Variants in U2AF1 observed in about 807,000 individuals in gnomAD.
U2AF1 encodes the protein splicing factor U2AF 35 kDa subunit.
For missense variants in U2AF1, 4 were observed against 75.9 expected (o/e 0.05, Z 3.52); for synonymous variants, 8 against 27.2 (o/e 0.29, Z 2.20).
chr21:43,107,229 C>A lies in U2AF1; in HGVS notation c.44+222G>T, dbSNP rs1025548227. Among the ~76,000 whole-genome samples, 4 of 111,994 alleles carry A rather than the reference C, an allele frequency of 3.6e-5. 1 individual carries two copies. The highest frequency in any genetic ancestry group is 1.5e-4 in the African/African-American group (4 of 26,594). 73.5% of individuals were successfully genotyped at this position (111,994 alleles called of 152,430 possible). On this transcript the variant is annotated intron_variant, in intron 1 of 7. Coordinates refer to ENST00000291552, the MANE Select transcript of U2AF1 (RefSeq NM_006758.3). ...CGGCCGCGGCGCCCCGAAAAGAGAC[C>A]CCATTCATTCTGCCCGCTCCAGTTT...
rs368427617 is a variant in U2AF1, at chr21:43,095,553, G to A, written c.250-17C>T. ...AAAAACCTCCTGAAGGGAGACCACA[G>A]TGGTTTAAGACTCGTTATACATTAC... On this transcript the variant is annotated splice_polypyrimidine_tract_variant and intron_variant, in intron 4 of 7. Coordinates refer to ENST00000291552, the MANE Select transcript of U2AF1 (RefSeq NM_006758.3). 3.6e-4 allele frequency: 356 copies of A among 985,500 alleles called. 89 individuals are homozygous for A. The highest frequency in any genetic ancestry group is 5.2e-4 in the Non-Finnish European group (343 of 665,614). 61.0% of individuals were successfully genotyped at this position (985,500 alleles called of 1,614,324 possible).
At chr21:43,107,054 C>T (rs749013132) in intron 1 of U2AF1, among the ~76,000 whole-genome samples, 4 of 88,278 alleles carry the variant, frequency 4.5e-5, no homozygotes, top group Non-Finnish European at 9.3e-5. Flanking sequence ...CATTCACAGC[C>T]GAAAGTTGGA....
chr21:43,107,110 T>C (rs1370812301), intron 1 of U2AF1, among the ~76,000 whole-genome samples: 1 of 109,214 alleles, frequency 9.2e-6, no homozygotes. Context: ...CAGGCAACTT[T>C]CAGCGCGGCT....
chr21:43,094,887 T>C lies in U2AF1; in HGVS notation c.349-99A>G, dbSNP rs182331226. 1.3e-3 allele frequency: 887 copies of C among 669,448 alleles called. 217 individuals carry two copies. Among genetic ancestry groups the C allele is most frequent in the Admixed American group, 1.7e-3 (46 of 27,092 alleles). 41.5% of individuals were successfully genotyped at this position (669,448 alleles called of 1,614,324 possible). ...TCAGAGAGAGATATACACACTCAGGTATAGTAAGGTGGAATAGTATTACAG... is the reference window on the plus strand; with the variant it reads ...TCAGAGAGAGATATACACACTCAGGCATAGTAAGGTGGAATAGTATTACAG... On this transcript the variant is annotated intron_variant, in intron 5 of 7. Transcript: ENST00000291552.
In U2AF1 at chr21:43,095,404, A is replaced by G. The variant is rs540565452; in HGVS notation, c.348+34T>C. The G allele has an allele frequency of 6.2e-5, 57 of 926,476 alleles. 5 individuals are homozygous for G. In the East Asian group the frequency reaches 1.2e-3, roughly 19 times the overall value. The allele number at this position is 926,476 out of a possible 1,614,324, so 57.4% of individuals were successfully genotyped here. ...TGTTGGCCTTGGCCCTGGCACACTA[A>G]GCGGCCACGCCGCCGTCTCGCCCTG... On this transcript the variant is annotated intron_variant, in intron 5 of 7. Transcript: ENST00000291552.
chr21:43,107,136 G>A (rs903491508), intron 1 of U2AF1, among the ~76,000 whole-genome samples: 2 of 112,308 alleles, frequency 1.8e-5, no homozygotes, highest in Non-Finnish European at 3.8e-5. Context: ...CGGCTTCCGG[G>A]AGTCGGCGAC....
Position 43,094,791 on chromosome 21 carries a change from GA to G in U2AF1, c.349-4del. On this transcript the variant is annotated splice_region_variant and splice_polypyrimidine_tract_variant and intron_variant, in intron 5 of 7. Coordinates refer to ENST00000291552, the MANE Select transcript of U2AF1 (RefSeq NM_006758.3). The stretch of plus-strand genomic sequence containing the variant: ...TCCGCATCTTCCTCACGGCGAAACT[GA>G]AAAGACAAAAACAGAAGTGCTTGCC... 4.6e-6 allele frequency: 3 copies of G among 657,308 alleles called. No homozygotes were observed. The highest frequency in any genetic ancestry group is 4.7e-6 in the Non-Finnish European group (2 of 429,418). The allele number at this position is 657,308 out of a possible 1,614,324, so 40.7% of individuals were successfully genotyped here. A position where few individuals can be genotyped will look rare whatever the true frequency, so the allele number is the denominator to read the frequency against.
intron 3 of U2AF1, among the ~76,000 whole-genome samples, chr21:43,096,676 C>CT (rs898924455): frequency 2.6e-4 from 4 of 15,522 alleles, no homozygotes; most frequent in Admixed American, 7.2e-4. Flanking sequence ...TGAAAGCATT[C>CT]TTTTTTTTTT....
chr21:43,107,180 C>T (rs1430015753), intron 1 of U2AF1, among the ~76,000 whole-genome samples: 1 of 113,606 alleles, frequency 8.8e-6, no homozygotes, highest in Non-Finnish European at 1.9e-5. Flanking sequence ...TCAGCCAGTC[C>T]GGACCCCAAG....
intron 3 of U2AF1, chr21:43,096,059 A>AT (rs560376283): frequency 6.5e-3 from 74 of 11,428 alleles, no homozygotes; most frequent in East Asian, 9.0e-3. Flanking sequence ...CAAACTACAA[A>AT]TTTTTTTTTT....
intron 1 of U2AF1, among the ~76,000 whole-genome samples, chr21:43,107,243 C>T (rs1165850398): frequency 9.1e-6 from 1 of 110,204 alleles, no homozygotes; most frequent in Non-Finnish European, 1.9e-5. Context: ...TTCATTCTGC[C>T]CGCTCCAGTT....
At chr21:43,096,684 TTTC>T (rs887346700) in intron 3 of U2AF1, among the ~76,000 whole-genome samples, 2 of 19,362 alleles carry the variant, frequency 1.0e-4, no homozygotes, top group African/African-American at 2.9e-4. Context: ...TTCTTTTTTT[TTTC>T]TTTTTTTTGA....
rs1408800437 is a variant in U2AF1 at position 43,107,134 on chromosome 21, G to C, written c.44+317C>G. ...TTCAGCGCGGCTCGAGGCGGCTTCC[G>C]GGAGTCGGCGACTCGGAGGCCCGGA... On this transcript the variant is annotated intron_variant, in intron 1 of 7. Transcript: ENST00000291552. 2.7e-5 allele frequency among the ~76,000 whole-genome samples: 3 copies of C among 112,116 alleles called. No individual in the cohort carries two copies. In the South Asian group the frequency reaches 7.5e-4, roughly 28 times the overall value. 73.6% of individuals were successfully genotyped at this position (112,116 alleles called of 152,430 possible).
At chr21:43,096,676 CT>C (rs898924455) in intron 3 of U2AF1, among the ~76,000 whole-genome samples, 2 of 15,524 alleles carry the variant, frequency 1.3e-4, no homozygotes, top group Non-Finnish European at 1.3e-4. Flanking sequence ...TGAAAGCATT[CT>C]TTTTTTTTTC....
rs1197121751 is a variant in U2AF1, at chr21:43,095,230, C to T, written c.348+208G>A. 4.6e-5 allele frequency: 20 copies of T among 432,758 alleles called. 7 individuals are homozygous for T. Among genetic ancestry groups the T allele is most frequent in the Admixed American group, 3.9e-4 (8 of 20,262 alleles). The allele number at this position is 432,758 out of a possible 1,614,324, so 26.8% of individuals were successfully genotyped here. On this transcript the variant is annotated intron_variant, in intron 5 of 7. Coordinates refer to ENST00000291552, the MANE Select transcript of U2AF1 (RefSeq NM_006758.3). ...GTGGGCTGGCCACCGCCACATATGA[C>T]GCAGCTGGTAGGCGCCGAGCCAGTG...
rs2146454624 is a variant in U2AF1 at position 43,094,780 on chromosome 21, A to G, written c.357T>C (p.Arg119=). The G allele has an allele frequency of 1.6e-6, 1 of 623,170 alleles. No homozygotes were observed. The highest frequency in any genetic ancestry group is 2.5e-6 in the Non-Finnish European group (1 of 400,914). The allele number at this position is 623,170 out of a possible 1,614,324, so 38.6% of individuals were successfully genotyped here. ...TCACAGCCTTTTCCGCATCTTCCTC[A>G]CGGCGAAACTGAAAAGACAAAAACA... is the stretch of plus-strand genomic sequence containing the variant. The part of the protein sequence containing the change: ...LVGNVYVKFR[R]EEDAEKAVID... The change falls in exon 6 of 8, where the codon CGT becomes CGC. Residue 119 remains arginine, a synonymous_variant. Coordinates refer to ENST00000291552, the MANE Select transcript of U2AF1 (RefSeq NM_006758.3).
At chr21:43,107,008 A>C (rs755877393) in intron 1 of U2AF1, among the ~76,000 whole-genome samples, 1 of 63,006 alleles carries the variant, frequency 1.6e-5, no homozygotes, top group Non-Finnish European at 3.2e-5. Context: ...GCGACTGAAT[A>C]CTGGCGAGGC....
intron 5 of U2AF1, chr21:43,095,217 C>A: frequency 2.4e-6 from 1 of 422,988 alleles, no homozygotes. Flanking sequence ...GGGCTGGCCA[C>A]CGCCACATAT....
intron 3 of U2AF1, chr21:43,099,987 C>G (rs1258247106): frequency 2.5e-5 from 1 of 40,712 alleles, no homozygotes; most frequent in Admixed American, 2.7e-4. Context: ...TGCAGCGGCA[C>G]GATCTCAGTT....
Sources: allele counts gnomAD v4.1 joint callset (sites outside exome capture counted in the v4.1 genomes callset), GRCh38; gene constraint gnomAD v4.1.1; transcripts MANE v1.5; gene names NCBI Gene and HGNC (gene_info 2026-07-23, HGNC 2026-07-21).